The following CDH8 variants were observed in gnomAD, a reference collection of about 807,000 sequenced individuals.
CDH8 encodes the protein cadherin-8.
In CDH8, 17 loss-of-function variants were observed where a neutral mutation model predicts 68.1. That is an observed-to-expected ratio of 0.25 (90% CI 0.17 to 0.37). CDH8 has a LOEUF of 0.37. Ranked by LOEUF, CDH8 falls within the 10% of genes least tolerant of loss-of-function variation. The probability of loss-of-function intolerance (pLI) is 1.00; values close to 1 mark genes in which losing one functional copy is unlikely to be tolerated. For missense variants in CDH8, 763 were observed against 999.3 expected, an observed-to-expected ratio of 0.76 and a Z score of 3.19; for synonymous variants, 372 against 365.1, an observed-to-expected ratio of 1.02 and a Z score of -0.21.
intron 9 of CDH8, chr16:61,725,852 T>C (rs1959345204): frequency 6.6e-6 from 1 of 150,868 alleles, no homozygotes; most frequent in Admixed American, 6.6e-5. Context: ...GTTTAAAAGT[T>C]AATCAGTTTT....
intron 8 of CDH8, among the ~76,000 whole-genome samples, chr16:61,732,336 A>G (rs557815271): frequency 6.6e-6 from 1 of 151,958 alleles, no homozygotes; most frequent in East Asian, 1.9e-4. Context: ...AAAGCCAAAA[A>G]CAAGAACATT....
chr16:61,670,489 C>T (rs138994835), intron 10 of CDH8, among the ~76,000 whole-genome samples: 13 of 151,988 alleles, frequency 8.6e-5, no homozygotes, highest in South Asian at 2.1e-4. Context: ...ATGAGAGAAA[C>T]ATATATCACT....
At chr16:61,948,831 T>C (rs754658064) in intron 2 of CDH8, among the ~76,000 whole-genome samples, 8 of 152,212 alleles carry the variant, frequency 5.3e-5, no homozygotes, top group Non-Finnish European at 1.2e-4. Flanking sequence ...GTAAAACTCT[T>C]CTTTCGAATC....
intron 1 of CDH8, among the ~76,000 whole-genome samples, chr16:62,031,011 A>G (rs1736611925): frequency 6.6e-6 from 1 of 152,160 alleles, no homozygotes; most frequent in Non-Finnish European, 1.5e-5. Flanking sequence ...AGAGGAAGTA[A>G]ATTAATCCTT....
intron 7 of CDH8, among the ~76,000 whole-genome samples, chr16:61,798,882 G>C (rs1032865994): frequency 1.3e-5 from 2 of 152,162 alleles, no homozygotes; most frequent in Admixed American, 1.3e-4. Context: ...AATTATTCAA[G>C]TACAACAAAT....
chr16:61,848,360 T>C (rs769385665), intron 4 of CDH8, among the ~76,000 whole-genome samples: 3 of 152,126 alleles, frequency 2.0e-5, no homozygotes, highest in African/African-American at 7.2e-5. Flanking sequence ...TTTCTCCAAA[T>C]AGACATTTCT....
chr16:61,708,713 T>G (rs533633545), intron 10 of CDH8, among the ~76,000 whole-genome samples: 70 of 152,354 alleles, frequency 4.6e-4, no homozygotes, highest in African/African-American at 1.6e-3. Flanking sequence ...CAACAGCACA[T>G]TGCTGGAAGC....
At chr16:61,739,768 A>G (rs1221236263) in intron 8 of CDH8, among the ~76,000 whole-genome samples, 1 of 148,896 alleles carries the variant, frequency 6.7e-6, no homozygotes, top group East Asian at 2.0e-4. Context: ...AGAAAAACAA[A>G]CAAACAAAAA....
At chr16:62,016,175 T>C (rs537041751) in intron 2 of CDH8, among the ~76,000 whole-genome samples, 1 of 152,302 alleles carries the variant, frequency 6.6e-6, no homozygotes, top group African/African-American at 2.4e-5. Flanking sequence ...GCTTCCTCTG[T>C]ATATGCTTCA....
chr16:61,854,628 C>A (rs1963007417), intron 4 of CDH8, among the ~76,000 whole-genome samples: 1 of 152,246 alleles, frequency 6.6e-6, no homozygotes, highest in East Asian at 1.9e-4. Context: ...TAATACACAT[C>A]TTTTGTTCCC....
At chr16:61,801,616 G>C (rs9673159) in intron 7 of CDH8, among the ~76,000 whole-genome samples, 4,708 of 152,256 alleles carry the variant, frequency 0.031, 237 homozygotes, top group African/African-American at 0.11. Flanking sequence ...CGTGCACCAT[G>C]CGCGAGCCAA....
chr16:61,661,025 G>A (rs1037765086), intron 10 of CDH8, among the ~76,000 whole-genome samples: 11 of 151,746 alleles, frequency 7.2e-5, no homozygotes, highest in Admixed American at 6.6e-4. Context: ...ACTTAAAAAA[G>A]ACAATATAAA....
intron 8 of CDH8, among the ~76,000 whole-genome samples, chr16:61,733,819 T>C (rs1959602758): frequency 6.6e-6 from 1 of 152,046 alleles, no homozygotes; most frequent in African/African-American, 2.4e-5. Context: ...TGTAACTCGT[T>C]GATTCTTGAG....
chr16:61,953,926 T>TATATATATATATATATATATATATATAA (rs1366207636), intron 2 of CDH8, among the ~76,000 whole-genome samples: 2 of 118,992 alleles, frequency 1.7e-5, no homozygotes, highest in African/African-American at 6.3e-5. Context: ...TATATATATA[T>TATATATATATATATATATATATATATAA]AAAATACCTT....
At chr16:61,689,082 G>A (rs190203745) in intron 10 of CDH8, among the ~76,000 whole-genome samples, 30 of 152,062 alleles carry the variant, frequency 2.0e-4, no homozygotes, top group Non-Finnish European at 1.5e-4. Context: ...GGAAGAGCAG[G>A]AAATGAGAAC....
At chr16:62,009,318 G>A (rs560506088) in intron 2 of CDH8, among the ~76,000 whole-genome samples, 1 of 152,166 alleles carries the variant, frequency 6.6e-6, no homozygotes, top group African/African-American at 2.4e-5. Flanking sequence ...AAATGCAACA[G>A]AGAAGTACAT....
At chr16:61,852,292 G>C (rs1962952918) in intron 4 of CDH8, among the ~76,000 whole-genome samples, 1 of 152,022 alleles carries the variant, frequency 6.6e-6, no homozygotes, top group Non-Finnish European at 1.5e-5. Context: ...CCACAGTTTG[G>C]TTTAGTGTTT....
chr16:61,858,412 A>G (rs1314155861), intron 3 of CDH8, among the ~76,000 whole-genome samples: 3 of 152,232 alleles, frequency 2.0e-5, no homozygotes, highest in Non-Finnish European at 4.4e-5. Context: ...GAAATTGAAA[A>G]AGTCTGGTGT....
intron 9 of CDH8, chr16:61,726,821 T>A (rs1019966895): frequency 2.1e-6 from 1 of 471,502 alleles, no homozygotes; most frequent in Non-Finnish European, 3.7e-6. Flanking sequence ...CCTGCTATCA[T>A]CCATATCCCA....
Sources: allele counts gnomAD v4.1 joint callset (sites outside exome capture counted in the v4.1 genomes callset), GRCh38; gene constraint gnomAD v4.1.1; transcripts MANE v1.5; gene names NCBI Gene and HGNC (gene_info 2026-07-23, HGNC 2026-07-21).